The following MYO9A variants were observed in gnomAD, a reference collection of about 807,000 sequenced individuals.
MYO9A encodes the protein unconventional myosin-IXa.
MYO9A carries 103 observed loss-of-function variants against 293.3 expected under a neutral mutation model. That is an observed-to-expected ratio of 0.35 (90% confidence interval 0.30 to 0.41). The LOEUF is 0.41. Among genes scored for constraint, MYO9A ranks in the 10% least tolerant of loss-of-function variants. The pLI, the probability that MYO9A is intolerant of heterozygous loss-of-function variation, is 1.00. For synonymous variants in MYO9A, 1,001 were observed against 1,035.7 expected (o/e 0.97, Z 0.64); for missense variants, 2,685 against 3,033.0 (o/e 0.89, Z 2.69).
intron 1 of MYO9A, among the ~76,000 whole-genome samples, chr15:72,047,744 A>T (rs891282531): frequency 6.6e-6 from 1 of 151,060 alleles, no homozygotes; most frequent in African/African-American, 2.4e-5. Flanking sequence ...TATTAAAAAA[A>T]TAATAAGAAG....
chr15:71,849,248 G>C (rs1026778937), intron 38 of MYO9A, among the ~76,000 whole-genome samples: 4 of 152,000 alleles, frequency 2.6e-5, no homozygotes, highest in Admixed American at 2.0e-4. Flanking sequence ...TCAGGAGTTC[G>C]AGACCAACCT....
At chr15:72,033,250 C>T (rs998428024) in intron 2 of MYO9A, among the ~76,000 whole-genome samples, 1 of 152,108 alleles carries the variant, frequency 6.6e-6, no homozygotes, top group Non-Finnish European at 1.5e-5. Flanking sequence ...TATATTTATA[C>T]TTTTACTTTT....
chr15:71,911,751 A>G (rs1015296184), intron 19 of MYO9A, among the ~76,000 whole-genome samples: 1 of 152,224 alleles, frequency 6.6e-6, no homozygotes, highest in Non-Finnish European at 1.5e-5. Context: ...CATCCCAGTC[A>G]TAACTTAAGG....
At chr15:72,057,200 C>T (rs77091786) in intron 1 of MYO9A, among the ~76,000 whole-genome samples, 6,964 of 152,026 alleles carry the variant, frequency 0.046, 277 homozygotes, top group East Asian at 0.18. Flanking sequence ...ACCCGGGAGG[C>T]GGAGGTTGCA....
At chr15:72,011,543 C>T (rs1409217302) in intron 6 of MYO9A, among the ~76,000 whole-genome samples, 1 of 151,924 alleles carries the variant, frequency 6.6e-6, no homozygotes, top group Non-Finnish European at 1.5e-5. Context: ...AGGAGGATTG[C>T]TTGAGCTCAG....
intron 12 of MYO9A, among the ~76,000 whole-genome samples, chr15:71,971,473 G>A (rs2076009031): frequency 6.6e-6 from 1 of 151,748 alleles, no homozygotes; most frequent in Admixed American, 6.6e-5. Context: ...TGTAGTCCCA[G>A]CTACTCAGGA....
chr15:71,852,332 C>A, intron 35 of MYO9A, 72 bp from the exon 36 acceptor site: 32 of 1,184,910 alleles, frequency 2.7e-5, no homozygotes, highest in Non-Finnish European at 3.3e-5. Flanking sequence ...ACTTTAGAAA[C>A]TATCATCATT....
chr15:72,063,843 A>G (rs2078944339), intron 1 of MYO9A, among the ~76,000 whole-genome samples: 1 of 152,250 alleles, frequency 6.6e-6, no homozygotes, highest in Non-Finnish European at 1.5e-5. Context: ...TCAAAGTGGT[A>G]TCTGCACTCC....
intron 32 of MYO9A, among the ~76,000 whole-genome samples, chr15:71,873,017 A>G (rs1052535443): frequency 2.0e-5 from 3 of 151,620 alleles, no homozygotes; most frequent in Admixed American, 1.3e-4. Context: ...GGTTCAAGCG[A>G]TTCTCCTGCC....
intron 39 of MYO9A, among the ~76,000 whole-genome samples, chr15:71,838,124 T>C (rs1013131955): frequency 1.3e-5 from 2 of 152,130 alleles, no homozygotes; most frequent in African/African-American, 4.8e-5. Flanking sequence ...CTGAAAAGGA[T>C]CTGTAGATAA....
intron 1 of MYO9A, among the ~76,000 whole-genome samples, chr15:72,050,771 AACTC>A (rs1453777528): frequency 6.6e-6 from 1 of 152,070 alleles, no homozygotes; most frequent in African/African-American, 2.4e-5. Context: ...AATATTTGGG[AACTC>A]ACTTTCTACT....
chr15:71,974,226 A>G (rs751344008), intron 12 of MYO9A, among the ~76,000 whole-genome samples: 2 of 152,214 alleles, frequency 1.3e-5, no homozygotes, highest in African/African-American at 2.4e-5. Context: ...GGAAAAAAAA[A>G]TCCTCCTCAG....
At chr15:72,083,766 A>G (rs1165220458) in intron 1 of MYO9A, among the ~76,000 whole-genome samples, 1 of 152,242 alleles carries the variant, frequency 6.6e-6, no homozygotes, top group Admixed American at 6.5e-5. Flanking sequence ...TTTACCCAAA[A>G]GTCAGAAGAA....
intron 13 of MYO9A, among the ~76,000 whole-genome samples, chr15:71,962,889 T>C (rs2075779227): frequency 1.3e-5 from 2 of 152,168 alleles, no homozygotes; most frequent in African/African-American, 4.8e-5. Flanking sequence ...AAATAATCTG[T>C]CTTCATATTT....
At chr15:71,993,630 A>G (rs779664061) in intron 10 of MYO9A, 1 of 152,190 alleles carries the variant, frequency 6.6e-6, no homozygotes, top group Non-Finnish European at 1.5e-5. Context: ...GGAAATGTAC[A>G]GTCTTTTTTG....
intron 33 of MYO9A, among the ~76,000 whole-genome samples, chr15:71,862,029 G>T (rs1057104776): frequency 6.6e-6 from 1 of 152,224 alleles, no homozygotes; most frequent in African/African-American, 2.4e-5. Flanking sequence ...TACTCGGGAG[G>T]CTGAGGCAGG....
chr15:71,872,943 C>T (rs540548664), intron 32 of MYO9A, among the ~76,000 whole-genome samples: 4 of 150,568 alleles, frequency 2.7e-5, no homozygotes, highest in Non-Finnish European at 4.4e-5. Flanking sequence ...GACAGAGTCT[C>T]GCTCTGTCGC....
At chr15:71,929,797 C>T (rs1042996132) in intron 18 of MYO9A, among the ~76,000 whole-genome samples, 2 of 152,094 alleles carry the variant, frequency 1.3e-5, no homozygotes, top group Non-Finnish European at 1.5e-5. Flanking sequence ...ATTTATTTTC[C>T]TTTGAGCATG....
At chr15:71,973,691 T>C (rs538758179) in intron 12 of MYO9A, among the ~76,000 whole-genome samples, 1 of 152,314 alleles carries the variant, frequency 6.6e-6, no homozygotes, top group South Asian at 2.1e-4. Flanking sequence ...TAAGACTAGC[T>C]TTATGATGAT....
Sources: gnomAD v4.1 joint callset for allele counts (sites outside exome capture counted in the v4.1 genomes callset) on GRCh38, gnomAD v4.1.1 for gene constraint, MANE v1.5 for transcripts, NCBI Gene and HGNC (gene_info 2026-07-23, HGNC 2026-07-21) for gene names.